Variants in TNRC6A observed in about 807,000 individuals in gnomAD.
TNRC6A encodes the protein trinucleotide repeat-containing gene 6A protein.
Under a neutral mutation model 221.2 loss-of-function variants are expected in TNRC6A, and 44 were observed. The ratio of observed to expected loss-of-function variants is 0.20; its 90% CI spans 0.16 to 0.26. The LOEUF (loss-of-function observed/expected upper bound fraction) is 0.26. Among genes scored for constraint, TNRC6A ranks in the 10% least tolerant of loss-of-function variants. The probability of loss-of-function intolerance (pLI) is 1.00; values close to 1 mark genes in which losing one functional copy is unlikely to be tolerated. For synonymous variants in TNRC6A, 847 were observed against 838.5 expected (o/e 1.01, Z -0.18); for missense variants, 2,199 against 2,404.4 (o/e 0.91, Z 1.79).
intron 2 of TNRC6A, among the ~76,000 whole-genome samples, chr16:24,682,207 G>T (rs945321255): frequency 2.6e-5 from 4 of 151,334 alleles, no homozygotes; most frequent in Non-Finnish European, 5.9e-5. Context: ...TTCAAATTAG[G>T]TCATGAAAGG....
At position 24,823,670 on chromosome 16, in the gene TNRC6A, C is replaced by G. The variant is rs1457814151; in HGVS notation, c.5752C>G (p.Leu1918Val). 5 of 1,611,392 alleles carry G rather than the reference C, an allele frequency of 3.1e-6. No individual in the cohort carries two copies. Among genetic ancestry groups the G allele is most frequent in the Non-Finnish European group, 4.2e-6 (5 of 1,178,186 alleles). Residue 1918 changes from leucine to valine, a missense_variant, in exon 25 of 25, where the codon CTC (leucine) becomes GTC (valine). Physicochemically the swap from Leu to Val is conservative, Grantham distance 32. This residue lies in a region of TNRC6A where 130 missense variants were observed against 121.7 expected (regional missense o/e 1.07). Coordinates refer to ENST00000395799, the MANE Select transcript of TNRC6A (RefSeq NM_014494.4). This position sits in a 1 kb window ranked among gnomAD's most constrained non-coding sequence, Gnocchi z 4.3. The part of the protein sequence containing the change: ...TNCGDLHGTS[L>V]WGTPHYSTSL... ...CTGTGGAGACCTTCACGGCACTTCACTCTGGGGGACCCCGCATTATTCCAC... is the reference window on the plus strand; with the variant it reads ...CTGTGGAGACCTTCACGGCACTTCAGTCTGGGGGACCCCGCATTATTCCAC...
chr16:24,651,538 CAAAAAAAAAAAAAAAAA>C (rs768568973), intron 2 of TNRC6A, among the ~76,000 whole-genome samples: 1 of 48,754 alleles, frequency 2.1e-5, no homozygotes, highest in South Asian at 7.4e-4. Context: ...AACTCCATCT[CAAAAAAAAAAAAAAAAA>C]AAAAAAAAAC....
chr16:24,738,524 G>A (rs989110327), intron 2 of TNRC6A, among the ~76,000 whole-genome samples: 5 of 152,154 alleles, frequency 3.3e-5, no homozygotes, highest in Admixed American at 1.3e-4. Context: ...ACCTATTTTC[G>A]TTTAAGTGGA....
chr16:24,778,584 C>A, intron 5 of TNRC6A: 3 of 738,210 alleles, frequency 4.1e-6, no homozygotes, highest in Non-Finnish European at 5.0e-6. Flanking sequence ...GTGAGCTTGG[C>A]CATAACACAT....
At chr16:24,637,397 T>G (rs1454479899) in intron 1 of TNRC6A, among the ~76,000 whole-genome samples, 3 of 152,212 alleles carry the variant, frequency 2.0e-5, no homozygotes, top group Non-Finnish European at 4.4e-5. Flanking sequence ...ATGGGCATGC[T>G]GGATGCCATG....
At chr16:24,772,789 A>G (rs943853598) in intron 4 of TNRC6A, among the ~76,000 whole-genome samples, 1 of 152,194 alleles carries the variant, frequency 6.6e-6, no homozygotes, top group African/African-American at 2.4e-5. Context: ...AAACAAGTAT[A>G]TACTAGTGAA....
At chr16:24,764,118 T>C (rs1208018358) in intron 4 of TNRC6A, among the ~76,000 whole-genome samples, 2 of 151,826 alleles carry the variant, frequency 1.3e-5, no homozygotes, top group Non-Finnish European at 2.9e-5. Flanking sequence ...CTAACCACTA[T>C]TCTGTTCTCT....
At chr16:24,709,970 G>C (rs982905096) in intron 2 of TNRC6A, among the ~76,000 whole-genome samples, 7 of 152,042 alleles carry the variant, frequency 4.6e-5, no homozygotes, top group African/African-American at 1.7e-4. Context: ...GTTCACACCT[G>C]TAATCCCAGC....
At chr16:24,766,740 G>A (rs548368285) in intron 4 of TNRC6A, among the ~76,000 whole-genome samples, 1 of 145,038 alleles carries the variant, frequency 6.9e-6, no homozygotes, top group South Asian at 2.2e-4. Context: ...GCAATGGCGC[G>A]ATCTCAGCTC....
chr16:24,730,302 T>C lies in TNRC6A; in HGVS notation c.53+2T>C. 6.2e-7 allele frequency: 1 copy of C among 1,602,972 alleles called. No homozygotes were observed. The highest frequency in any genetic ancestry group is 1.1e-5 in the South Asian group (1 of 89,922). On this transcript the variant is annotated splice_donor_variant, in intron 2 of 24. Transcript: ENST00000395799. LOFTEE classifies it high-confidence loss of function. ...AGACGTAGAAAGAAATCTTAGCAGGTAAGATGGGCGAGCTTTCCGTCTCCC... is the reference window on the plus strand; with the variant it reads ...AGACGTAGAAAGAAATCTTAGCAGGCAAGATGGGCGAGCTTTCCGTCTCCC...
rs780283989 is a variant in TNRC6A, at chr16:24,668,950, C to T, written n.402+27941C>T. On this transcript the variant is annotated intron_variant and non_coding_transcript_variant, in intron 2 of 2. Transcript: ENST00000566108. ...GAAAAGGGTATTAGCTGGAATGCGA[C>T]GACACAATTAGTCTCGTTGTTTTTA... is the stretch of plus-strand genomic sequence containing the variant. Among the ~76,000 whole-genome samples, 58 of 152,118 alleles carry T rather than the reference C, an allele frequency of 3.8e-4. 1 individual carries two copies. Among genetic ancestry groups the T allele is most frequent in the African/African-American group, 1.3e-3 (55 of 41,524 alleles).
intron 4 of TNRC6A, among the ~76,000 whole-genome samples, chr16:24,769,461 G>C (rs962845563): frequency 7.7e-6 from 1 of 130,454 alleles, no homozygotes; most frequent in African/African-American, 2.9e-5. Context: ...TGGGGTCACA[G>C]TATGACCAAA....
At chr16:24,771,582 T>TTTTATGTTATGTTATGTTA in intron 4 of TNRC6A, among the ~76,000 whole-genome samples, 6 of 95,482 alleles carry the variant, frequency 6.3e-5, no homozygotes, top group Non-Finnish European at 1.0e-4. Context: ...TTATGTTATG[T>TTTTATGTTATGTTATGTTA]TGTTATGTTA....
intron 2 of TNRC6A, among the ~76,000 whole-genome samples, chr16:24,666,590 A>G (rs1455645090): frequency 7.5e-6 from 1 of 132,460 alleles, no homozygotes; most frequent in Non-Finnish European, 1.6e-5. Context: ...CCAATGAGCT[A>G]TTGGCACTGC....
At chr16:24,762,023 T>C (rs2057374737) in intron 4 of TNRC6A, among the ~76,000 whole-genome samples, 1 of 152,178 alleles carries the variant, frequency 6.6e-6, no homozygotes, top group African/African-American at 2.4e-5. Context: ...CAAGGTATCT[T>C]CCAAAGAGTA....
intron 2 of TNRC6A, among the ~76,000 whole-genome samples, chr16:24,743,151 A>G (rs1191869630): frequency 6.6e-6 from 1 of 152,134 alleles, no homozygotes; most frequent in Non-Finnish European, 1.5e-5. Flanking sequence ...AATCTCTTTA[A>G]CTGTCAAAGG....
chr16:24,704,621 C>T (rs941332915), intron 2 of TNRC6A, among the ~76,000 whole-genome samples: 3 of 125,568 alleles, frequency 2.4e-5, no homozygotes, highest in Non-Finnish European at 4.7e-5. Context: ...GCCAACATCA[C>T]ACCACAGCAC....
chr16:24,731,623 T>G (rs2056644854), intron 2 of TNRC6A, among the ~76,000 whole-genome samples: 1 of 152,240 alleles, frequency 6.6e-6, no homozygotes, highest in Non-Finnish European at 1.5e-5. Flanking sequence ...GCCATTAAGG[T>G]GTAATATCAG....
chr16:24,656,496 A>G (rs901014761), intron 2 of TNRC6A, among the ~76,000 whole-genome samples: 41 of 151,758 alleles, frequency 2.7e-4, no homozygotes, highest in Non-Finnish European at 5.0e-4. Context: ...GAGAGAGAGA[A>G]AAAGAAGTAC....
Sources: allele counts gnomAD v4.1 joint callset (sites outside exome capture counted in the v4.1 genomes callset), GRCh38; gene constraint gnomAD v4.1.1; regional missense constraint gnomAD v4.1.1; non-coding constraint Gnocchi (gnomAD v3.1); transcripts MANE v1.5; gene names NCBI Gene and HGNC (gene_info 2026-07-23, HGNC 2026-07-21).